The following ASAP1 variants were observed in gnomAD, a reference collection of about 807,000 sequenced individuals.
ASAP1 encodes the protein arf-GAP with SH3 domain, ANK repeat and PH domain-containing protein 1.
A neutral mutation model predicts 145.2 loss-of-function variants in ASAP1; 43 were observed. The observed-to-expected ratio is 0.30, with a 90% CI of 0.23 to 0.38. The LOEUF is 0.38. ASAP1 is among the 10% of genes least tolerant of loss of function. The probability of loss-of-function intolerance (pLI) is 1.00; values close to 1 mark genes in which losing one functional copy is unlikely to be tolerated. For synonymous variants in ASAP1, 546 were observed against 515.5 expected, an observed-to-expected ratio of 1.06 and a Z score of -0.80; for missense variants, 1,018 against 1,355.3, an observed-to-expected ratio of 0.75 and a Z score of 3.91.
At chr8:130,341,422 T>C (rs1331808314) in intron 3 of ASAP1, among the ~76,000 whole-genome samples, 1 of 152,200 alleles carries the variant, frequency 6.6e-6, no homozygotes, top group African/African-American at 2.4e-5. Context: ...ACTTGGAGAC[T>C]TGAGGGTCAG....
At chr8:130,325,808 T>C (rs1290121657) in intron 3 of ASAP1, among the ~76,000 whole-genome samples, 1 of 152,198 alleles carries the variant, frequency 6.6e-6, no homozygotes, top group Non-Finnish European at 1.5e-5. Context: ...TTTTTGTTCT[T>C]ATATTGTGGA....
intron 1 of ASAP1, 40 bp downstream of exon 1, chr8:130,443,420 C>G (rs1830563012): frequency 6.6e-6 from 1 of 151,146 alleles, no homozygotes; most frequent in Non-Finnish European, 1.5e-5. Context: ...GGCGACTCCG[C>G]CCGGCCCCGC....
chr8:130,403,557 T>TC (rs1828896012), intron 1 of ASAP1, among the ~76,000 whole-genome samples: 1 of 147,998 alleles, frequency 6.8e-6, no homozygotes, highest in African/African-American at 2.5e-5. Context: ...TCTTTTTCTT[T>TC]TTTTTTTTTT....
In ASAP1 at chr8:130,127,891, T is replaced by G. The variant is rs768779886; in HGVS notation, c.1381+36A>C. The G allele has an allele frequency of 5.0e-6, 8 of 1,607,048 alleles. No individual in the cohort carries two copies. The African/African-American group carries it at 1.1e-4, about 22-fold the overall frequency. The stretch of plus-strand genomic sequence containing the variant: ...TTATATTCTACAGGAAGAGAAAGGA[T>G]GTTGTAAAAGCTCGTTCAAATATGG... On this transcript the variant is annotated intron_variant, in intron 16 of 29. Coordinates refer to ENST00000518721, the MANE Select transcript of ASAP1 (RefSeq NM_018482.4).
chr8:130,298,013 G>A (rs1202149117), intron 3 of ASAP1, among the ~76,000 whole-genome samples: 2 of 152,178 alleles, frequency 1.3e-5, no homozygotes, highest in Admixed American at 1.3e-4. Context: ...GGGAGTCCAG[G>A]CAAATCACTT....
At position 130,235,367 on chromosome 8, in the gene ASAP1, GATGA is replaced by G. The variant is rs544300482; in HGVS notation, c.259+1551_259+1554del. 2.6e-5 allele frequency among the ~76,000 whole-genome samples: 4 copies of G among 152,106 alleles called. No individual in the cohort carries two copies. The East Asian group carries it at 7.7e-4, about 29-fold the overall frequency. On this transcript the variant is annotated intron_variant, in intron 4 of 29. Coordinates refer to ENST00000518721, the MANE Select transcript of ASAP1 (RefSeq NM_018482.4). Reference sequence around the variant, plus strand: ...TACATAAATCCTAAGTTCAGCATCTGATGAATTATCAAAAAGTGAACTTTACCAT... The same window carrying G: ...TACATAAATCCTAAGTTCAGCATCTGATTATCAAAAAGTGAACTTTACCAT...
At chr8:130,284,232 A>G (rs1347588912) in intron 3 of ASAP1, among the ~76,000 whole-genome samples, 1 of 152,204 alleles carries the variant, frequency 6.6e-6, no homozygotes, top group African/African-American at 2.4e-5. Context: ...TAAAACCTGG[A>G]AATTTAGTAA....
chr8:130,243,715 G>C (rs1030430502), intron 3 of ASAP1, among the ~76,000 whole-genome samples: 1 of 152,058 alleles, frequency 6.6e-6, no homozygotes, highest in Admixed American at 6.6e-5. Context: ...AAATCTAAAC[G>C]GGCCTAGCTT....
rs190458848 is a variant in ASAP1, at chr8:130,256,180, A to C, written c.187-19186T>G. On this transcript the variant is annotated intron_variant, in intron 3 of 29. Transcript: ENST00000518721. Reference sequence around the variant, plus strand: ...ACTAGGTATTGTTTCCGTAAACATAAATCTTCCTGTTCGCAAGAGTTGATG... The same window carrying C: ...ACTAGGTATTGTTTCCGTAAACATACATCTTCCTGTTCGCAAGAGTTGATG... Among the ~76,000 whole-genome samples the C allele has an allele frequency of 1.1e-4, 16 of 152,266 alleles. No homozygotes were observed. In the East Asian group the frequency reaches 2.1e-3, roughly 20 times the overall value.
intron 24 of ASAP1, among the ~76,000 whole-genome samples, chr8:130,102,934 T>C (rs189213662): frequency 3.3e-5 from 5 of 152,318 alleles, no homozygotes; most frequent in African/African-American, 1.2e-4. Flanking sequence ...CAAGTGAGCC[T>C]CCTGACTTGG....
chr8:130,214,910 T>C (rs1392907596), intron 4 of ASAP1, among the ~76,000 whole-genome samples: 2 of 151,234 alleles, frequency 1.3e-5, no homozygotes, highest in Non-Finnish European at 3.0e-5. Flanking sequence ...TCTTTTTTTC[T>C]TTTTTTTTGA....
chr8:130,236,537 G>A (rs1375968604), intron 4 of ASAP1, among the ~76,000 whole-genome samples: 1 of 152,000 alleles, frequency 6.6e-6, no homozygotes, highest in Non-Finnish European at 1.5e-5. Flanking sequence ...CGCCAATATT[G>A]ATTTTCAAAT....
intron 25 of ASAP1, among the ~76,000 whole-genome samples, chr8:130,089,455 T>G (rs1398510369): frequency 2.6e-5 from 4 of 152,072 alleles, no homozygotes; most frequent in African/African-American, 9.7e-5. Flanking sequence ...CTGATCCTCA[T>G]GGGCTGAGGA....
chr8:130,396,516 T>C (rs1828537704), intron 2 of ASAP1, among the ~76,000 whole-genome samples: 1 of 152,246 alleles, frequency 6.6e-6, no homozygotes, highest in Non-Finnish European at 1.5e-5. Context: ...TTAAATAGAC[T>C]CAATTATTTT....
intron 14 of ASAP1, among the ~76,000 whole-genome samples, chr8:130,135,069 A>G (rs965620909): frequency 6.6e-6 from 1 of 152,196 alleles, no homozygotes; most frequent in Non-Finnish European, 1.5e-5. Flanking sequence ...CTGGATGTAC[A>G]TGAGGGAAGC....
At chr8:130,111,169 T>C (rs943097135) in intron 24 of ASAP1, among the ~76,000 whole-genome samples, 24 of 123,226 alleles carry the variant, frequency 1.9e-4, no homozygotes, top group Non-Finnish European at 1.1e-4. Flanking sequence ...GTACAGGAAT[T>C]CAAGACCAGC....
chr8:130,358,609 C>G lies in ASAP1; in HGVS notation c.60-466G>C, dbSNP rs1364066060. ...GCCTGACTGACTGAGCGCACACTCC[C>G]GCGGCGGGCGGGCGGGCGGGCGGCG... On this transcript the variant is annotated intron_variant, in intron 2 of 29. Transcript: ENST00000518721. The surrounding 1 kb of genome is among the most constrained non-coding windows in gnomAD (Gnocchi z 4.1). Among the ~76,000 whole-genome samples the G allele has an allele frequency of 6.9e-6, 1 of 145,070 alleles. No homozygotes were observed. The highest frequency in any genetic ancestry group is 1.5e-5 in the Non-Finnish European group (1 of 65,564).
rs181055314 is a variant in ASAP1, at chr8:130,262,460, C to T, written c.187-25466G>A. Among the ~76,000 whole-genome samples, 72 of 113,700 alleles carry T rather than the reference C, an allele frequency of 6.3e-4. 2 individuals are homozygous for T. The highest frequency in any genetic ancestry group is 2.3e-3 in the African/African-American group (70 of 30,740). 74.6% of individuals were successfully genotyped at this position (113,700 alleles called of 152,430 possible). ...AGAGAGAGAGAGAGAGAGAGAGAAC[C>T]TGTGGAATTTCAGATAGGTTAGACA... On this transcript the variant is annotated intron_variant, in intron 3 of 29. Coordinates refer to ENST00000518721, the MANE Select transcript of ASAP1 (RefSeq NM_018482.4).
chr8:130,200,442 A>G (rs1279513074), intron 5 of ASAP1, among the ~76,000 whole-genome samples: 1 of 152,184 alleles, frequency 6.6e-6, no homozygotes, highest in Non-Finnish European at 1.5e-5. Flanking sequence ...GCTTCCAACT[A>G]AGCAAAGGTT....
Sources: allele counts gnomAD v4.1 joint callset (sites outside exome capture counted in the v4.1 genomes callset), GRCh38; gene constraint gnomAD v4.1.1; non-coding constraint Gnocchi (gnomAD v3.1); transcripts MANE v1.5; gene names NCBI Gene and HGNC (gene_info 2026-07-23, HGNC 2026-07-21).